Variants in NUMB observed in about 807,000 individuals in gnomAD.
NUMB encodes the protein NUMB endocytic adaptor protein.
A neutral mutation model predicts 59.7 loss-of-function variants in NUMB; 29 were observed. The ratio of observed to expected loss-of-function variants is 0.49; its 90% confidence interval spans 0.36 to 0.66. The LOEUF (loss-of-function observed/expected upper bound fraction) is 0.66. Ranked by LOEUF, NUMB falls within the 30% of genes least tolerant of loss-of-function variation. NUMB has a pLI of 0.00. For synonymous variants in NUMB, 288 were observed against 288.2 expected (o/e 1.00, Z 0.01); for missense variants, 723 against 822.0 (o/e 0.88, Z 1.47).
At chr14:73,332,583 G>A (rs1009538765) in intron 4 of NUMB, among the ~76,000 whole-genome samples, 1 of 151,484 alleles carries the variant, frequency 6.6e-6, no homozygotes, top group African/African-American at 2.4e-5. Flanking sequence ...TCTCTCCTAG[G>A]CTGCTCCATC....
chr14:73,423,518 T>C (rs1273325871), intron 1 of NUMB, among the ~76,000 whole-genome samples: 1 of 152,030 alleles, frequency 6.6e-6, no homozygotes, highest in Non-Finnish European at 1.5e-5. Context: ...GGCTGGTGCC[T>C]GTAATCCCAG....
chr14:73,375,738 G>A (rs1894915204), intron 2 of NUMB, among the ~76,000 whole-genome samples: 1 of 152,160 alleles, frequency 6.6e-6, no homozygotes, highest in African/African-American at 2.4e-5. Context: ...TCTCAGGTAT[G>A]CAAGGCTGGT....
chr14:73,331,558 A>AT (rs377410747), intron 4 of NUMB, among the ~76,000 whole-genome samples: 6 of 151,928 alleles, frequency 3.9e-5, no homozygotes, highest in Admixed American at 2.0e-4. Flanking sequence ...AAAAAAAAAA[A>AT]TTTTTTTTCT....
At chr14:73,279,464 G>A in intron 11 of NUMB, 40 bp from the exon 12 acceptor site, 1 of 1,544,296 alleles carries the variant, frequency 6.5e-7, no homozygotes, top group African/African-American at 1.4e-5. Context: ...GTTAATTCAT[G>A]CAGGGTGTAC....
At chr14:73,351,644 T>C (rs2140004660) in intron 4 of NUMB, among the ~76,000 whole-genome samples, 1 of 152,120 alleles carries the variant, frequency 6.6e-6, no homozygotes, top group Middle Eastern at 3.4e-3. Flanking sequence ...TGCACACCAA[T>C]ATGAGTATAC....
chr14:73,358,749 A>C (rs2140028692), intron 3 of NUMB, among the ~76,000 whole-genome samples: 1 of 151,884 alleles, frequency 6.6e-6, no homozygotes, highest in East Asian at 1.9e-4. Context: ...TTAATGGTTG[A>C]CTGTATCTTA....
chr14:73,310,950 A>G (rs1333629991), intron 6 of NUMB, among the ~76,000 whole-genome samples: 2 of 152,232 alleles, frequency 1.3e-5, no homozygotes, highest in East Asian at 3.8e-4. Flanking sequence ...ATTTGGTAAT[A>G]AAGTATTTGC....
intron 1 of NUMB, among the ~76,000 whole-genome samples, chr14:73,431,156 C>T (rs1307518268): frequency 6.6e-6 from 1 of 151,506 alleles, no homozygotes; most frequent in East Asian, 2.0e-4. Flanking sequence ...GGGGTTTCAC[C>T]ATGTTGGTCA....
intron 1 of NUMB, among the ~76,000 whole-genome samples, chr14:73,440,367 C>T (rs1252253545): frequency 1.3e-5 from 2 of 151,702 alleles, no homozygotes; most frequent in African/African-American, 4.8e-5. Flanking sequence ...AAAATTACTG[C>T]AAAATGGATC....
At chr14:73,430,875 G>A (rs1245183045) in intron 1 of NUMB, among the ~76,000 whole-genome samples, 3 of 151,926 alleles carry the variant, frequency 2.0e-5, no homozygotes, top group Middle Eastern at 3.2e-3. Context: ...AACCAGGGAG[G>A]CGGAGCTTGC....
At chr14:73,357,903 A>C (rs982839549) in intron 3 of NUMB, among the ~76,000 whole-genome samples, 7 of 148,636 alleles carry the variant, frequency 4.7e-5, no homozygotes, top group East Asian at 2.0e-4. Flanking sequence ...AAAAAAAAAA[A>C]CCCACCAAAA....
intron 6 of NUMB, chr14:73,299,291 C>A (rs1251860744): frequency 6.6e-6 from 1 of 151,962 alleles, no homozygotes; most frequent in African/African-American, 2.4e-5. Flanking sequence ...ATTCTATGGG[C>A]AAATTAGAAG....
rs910250877 is a variant in NUMB at position 73,275,457 on chromosome 14, A to G, written c.*1121T>C. ...CAGAATCCCCATCCCCACAAAACTC[A>G]TGGGAACAAAATTTAAAGGATAAAA... is the stretch of plus-strand genomic sequence containing the variant. On this transcript the variant is annotated 3_prime_UTR_variant, in exon 13 of 13. Coordinates refer to ENST00000555238, the MANE Select transcript of NUMB (RefSeq NM_001005743.2). 1 of 152,494 alleles carries G rather than the reference A, an allele frequency of 6.6e-6. No individual in the cohort carries two copies. The highest frequency in any genetic ancestry group is 1.9e-4 in the East Asian group (1 of 5,186). The allele number at this position is 152,494 out of a possible 1,614,324, so 9.4% of individuals were successfully genotyped here. A position where few individuals can be genotyped will look rare whatever the true frequency, so the allele number is the denominator to read the frequency against.
chr14:73,350,086 C>T (rs200453916), intron 4 of NUMB, among the ~76,000 whole-genome samples: 5 of 148,812 alleles, frequency 3.4e-5, no homozygotes, highest in African/African-American at 1.2e-4. Context: ...CATACACACA[C>T]ACACACACAC....
At chr14:73,346,419 G>C (rs1157535204) in intron 4 of NUMB, among the ~76,000 whole-genome samples, 1 of 151,610 alleles carries the variant, frequency 6.6e-6, no homozygotes, top group Non-Finnish European at 1.5e-5. Flanking sequence ...AGCAGAGGCT[G>C]CGGTGAACCG....
At chr14:73,416,881 C>T (rs993450036) in intron 1 of NUMB, among the ~76,000 whole-genome samples, 4 of 151,676 alleles carry the variant, frequency 2.6e-5, no homozygotes, top group Admixed American at 6.6e-5. Flanking sequence ...TGTTTTTGTG[C>T]CTAAATGTTG....
In NUMB at chr14:73,276,839, G is replaced by A. The variant is rs776011926; in HGVS notation, c.1695C>T (p.Tyr565=). The A allele has an allele frequency of 6.8e-5, 109 of 1,614,000 alleles. No individual in the cohort carries two copies. The highest frequency in any genetic ancestry group is 8.4e-5 in the Non-Finnish European group (99 of 1,180,012). The change falls in exon 13 of 13, where the codon TAC becomes TAT. Residue 565 remains tyrosine, a synonymous_variant. Transcript: ENST00000555238. ...GACTGGTGGTAGCACTGCTTGCCTC[G>A]TAGTGAGGGAATGTCTGCTGCCTGA... is the stretch of plus-strand genomic sequence containing the variant. ...SLVRQQTFPH[Y]EASSATTSPF...
chr14:73,412,972 A>G (rs1896961234), intron 1 of NUMB, among the ~76,000 whole-genome samples: 1 of 152,140 alleles, frequency 6.6e-6, no homozygotes, highest in Admixed American at 6.5e-5. Context: ...AACTTCCAAG[A>G]TCACAAAAAT....
chr14:73,372,343 T>TTATATATATATATA (rs60502086), intron 2 of NUMB, among the ~76,000 whole-genome samples: 11 of 100,776 alleles, frequency 1.1e-4, no homozygotes, highest in African/African-American at 4.2e-4. Flanking sequence ...ATATAACCTT[T>TTATATATATATATA]TATATATATA....
Sources: allele counts gnomAD v4.1 joint callset (sites outside exome capture counted in the v4.1 genomes callset), GRCh38; gene constraint gnomAD v4.1.1; transcripts MANE v1.5; gene names NCBI Gene and HGNC (gene_info 2026-07-23, HGNC 2026-07-21).